MAVS: variants seen among roughly 807,000 people sequenced by gnomAD.
MAVS encodes mitochondrial antiviral-signaling protein.
MAVS carries 20 observed loss-of-function variants against 30.2 expected under a neutral mutation model. The ratio of observed to expected loss-of-function variants is 0.66; its 90% CI spans 0.47 to 0.96. The LOEUF (loss-of-function observed/expected upper bound fraction) is 0.96. Among genes scored for constraint, MAVS ranks in the 40% least tolerant of loss-of-function variants. The pLI, the probability that MAVS is intolerant of heterozygous loss-of-function variation, is 0.00. For missense variants in MAVS, 624 were observed against 701.1 expected, an observed-to-expected ratio of 0.89 and a Z score of 1.24; for synonymous variants, 278 against 293.9, an observed-to-expected ratio of 0.95 and a Z score of 0.55.
At chr20:3,853,354 CG>C (rs1568532557) in intron 1 of MAVS, among the ~76,000 whole-genome samples, 1 of 151,044 alleles carries the variant, frequency 6.6e-6, no homozygotes, top group African/African-American at 2.4e-5. Flanking sequence ...GGCGTGGTGG[CG>C]GGCGCCTGTC....
chr20:3,864,129 A>C, intron 5 of MAVS, 127 bp from the exon 6 acceptor site: 1 of 1,069,848 alleles, frequency 9.3e-7, no homozygotes, highest in Non-Finnish European at 1.4e-6. Context: ...CATCTCCTCC[A>C]AGGGCAGGAG....
In MAVS at chr20:3,857,782, G is replaced by T. The variant is rs1473208492; in HGVS notation, c.265G>T (p.Ala89Ser). The T allele has an allele frequency of 6.2e-7, 1 of 1,614,228 alleles. No individual in the cohort carries two copies. Among genetic ancestry groups the T allele is most frequent in the Non-Finnish European group, 8.5e-7 (1 of 1,180,034 alleles). ...CELVDLADEV[A>S]SVYQSYQPRT... Reference sequence around the variant, plus strand: ...GCTAGTTGATCTCGCGGACGAAGTGGCCTCTGTCTACCAGAGCTACCAGCC... The same window carrying T: ...GCTAGTTGATCTCGCGGACGAAGTGTCCTCTGTCTACCAGAGCTACCAGCC... Residue 89 changes from alanine (A) to serine (S), a missense_variant, in exon 3 of 7, where the codon GCC becomes TCC. Ala to Ser is a moderately conservative substitution (Grantham distance 99). Coordinates refer to ENST00000428216, the MANE Select transcript of MAVS (RefSeq NM_020746.5).
At position 3,869,508 on chromosome 20, in the gene MAVS, T is replaced by TA. The variant is rs2089937827; in HGVS notation, c.*3362dup. 1 of 152,176 alleles carries TA rather than the reference T, an allele frequency of 6.6e-6. No individual in the cohort carries two copies. The highest frequency in any genetic ancestry group is 1.5e-5 in the Non-Finnish European group (1 of 68,044). The allele number at this position is 152,176 out of a possible 1,614,324, so 9.4% of individuals were successfully genotyped here. ...TTTTATAGAGATGAGGTCATGCTGT[T>TA]ATGTTGCCCAGGTTGGCCTCATGAG... On this transcript the variant is annotated 3_prime_UTR_variant, in exon 7 of 7. Transcript: ENST00000428216.
At position 3,871,157 on chromosome 20, in the gene MAVS, A is replaced by G. The variant is rs1324829051; in HGVS notation, c.*5010A>G. ...TGGCCTCCCAAAATGCTGGGATTAC[A>G]GGTGTGAACCACGGTGCCTGGCCAC... is the stretch of plus-strand genomic sequence containing the variant. On this transcript the variant is annotated 3_prime_UTR_variant, in exon 7 of 7. Coordinates refer to ENST00000428216, the MANE Select transcript of MAVS (RefSeq NM_020746.5). 1 of 153,954 alleles carries G rather than the reference A, an allele frequency of 6.5e-6. No homozygotes were observed. Among genetic ancestry groups the G allele is most frequent in the African/African-American group, 2.4e-5 (1 of 41,476 alleles). The allele number at this position is 153,954 out of a possible 1,614,324, so 9.5% of individuals were successfully genotyped here.
rs1454817191 is a variant in MAVS, at chr20:3,868,188, C to T, written c.*2041C>T. The T allele has an allele frequency of 6.6e-6, 1 of 152,396 alleles. No individual in the cohort carries two copies. The highest frequency in any genetic ancestry group is 1.5e-5 in the Non-Finnish European group (1 of 68,076). 9.4% of individuals were successfully genotyped at this position (152,396 alleles called of 1,614,324 possible). On this transcript the variant is annotated 3_prime_UTR_variant, in exon 7 of 7. Coordinates refer to ENST00000428216, the MANE Select transcript of MAVS (RefSeq NM_020746.5). ...CTACCCGAGCTGTCTGTATTAATCC[C>T]CATCCCCCACCACCAATCTTAAAAA...
chr20:3,858,890 C>T (rs2089837098), intron 3 of MAVS, among the ~76,000 whole-genome samples: 1 of 151,572 alleles, frequency 6.6e-6, no homozygotes, highest in African/African-American at 2.4e-5. Flanking sequence ...GCCTTGACCT[C>T]CTGGACTCAA....
rs1258621140 is a variant in MAVS, at chr20:3,866,241, T to C, written c.*94T>C. On this transcript the variant is annotated 3_prime_UTR_variant, in exon 7 of 7. Transcript: ENST00000428216. ...CCCCTTGTCCCTTTCTTGGGGATTGTGGAGGCTGGGTCAGAGGGGAGTTAA... is the reference window on the plus strand; with the variant it reads ...CCCCTTGTCCCTTTCTTGGGGATTGCGGAGGCTGGGTCAGAGGGGAGTTAA... The C allele has an allele frequency of 1.6e-6, 2 of 1,257,096 alleles. No individual in the cohort carries two copies. Among genetic ancestry groups the C allele is most frequent in the Admixed American group, 2.8e-5 (1 of 35,874 alleles). 77.9% of individuals were successfully genotyped at this position (1,257,096 alleles called of 1,614,324 possible).
rs2089930188 is a variant in MAVS, at chr20:3,868,798, TTGAGC to T, written c.*2652_*2656del. ...AGGCTGAGGTGGGAAGATAAGTCAC[TTGAGC>T]CCGCCAGGAGGCGGAGGTTGTAGTG... On this transcript the variant is annotated 3_prime_UTR_variant, in exon 7 of 7. Transcript: ENST00000428216. The T allele has an allele frequency of 6.6e-6, 1 of 152,108 alleles. No homozygotes were observed. The highest frequency in any genetic ancestry group is 2.4e-5 in the African/African-American group (1 of 41,408). The allele number at this position is 152,108 out of a possible 1,614,324, so 9.4% of individuals were successfully genotyped here. A position where few individuals can be genotyped will look rare whatever the true frequency, so the allele number is the denominator to read the frequency against.
At chr20:3,856,982 G>C (rs565776523) in intron 2 of MAVS, among the ~76,000 whole-genome samples, 1 of 150,258 alleles carries the variant, frequency 6.7e-6, no homozygotes, top group Non-Finnish European at 1.5e-5. Context: ...GTTGCAGTAA[G>C]CTGATATCAC....
intron 1 of MAVS, among the ~76,000 whole-genome samples, chr20:3,853,361 C>T (rs922479713): frequency 1.3e-5 from 2 of 151,274 alleles, no homozygotes; most frequent in Non-Finnish European, 2.9e-5. Flanking sequence ...TGGCGGGCGC[C>T]TGTCGTCCCA....
chr20:3,859,903 G>T (rs980390973), intron 3 of MAVS, among the ~76,000 whole-genome samples: 1 of 151,456 alleles, frequency 6.6e-6, no homozygotes, highest in Non-Finnish European at 1.5e-5. Flanking sequence ...TGCAAGCTCC[G>T]CCTCCCGGGT....
intron 1 of MAVS, among the ~76,000 whole-genome samples, chr20:3,849,036 G>C (rs1310566303): frequency 1.3e-5 from 2 of 152,048 alleles, no homozygotes; most frequent in East Asian, 3.9e-4. Context: ...ACAACCACCA[G>C]AGAAGTCTTT....
Position 3,866,391 on chromosome 20 carries a change from G to A in MAVS, c.*244G>A. 1 of 538,820 alleles carries A rather than the reference G, an allele frequency of 1.9e-6. No homozygotes were observed. The allele number at this position is 538,820 out of a possible 1,614,324, so 33.4% of individuals were successfully genotyped here. A position where few individuals can be genotyped will look rare whatever the true frequency, so the allele number is the denominator to read the frequency against. On this transcript the variant is annotated 3_prime_UTR_variant, in exon 7 of 7. Transcript: ENST00000428216. ...CTTTCTGGGTCCTGGGCTGCCCCCA[G>A]TGCTCCAGACCTTCCCCACTGGCAA...
At chr20:3,856,813 C>A (rs1157704383) in intron 2 of MAVS, among the ~76,000 whole-genome samples, 1 of 151,930 alleles carries the variant, frequency 6.6e-6, no homozygotes, top group Non-Finnish European at 1.5e-5. Context: ...GCGGGTGGAT[C>A]ACCTGAGGTC....
chr20:3,862,276 C>G lies in MAVS; in HGVS notation c.488C>G (p.Thr163Arg), dbSNP rs141567699. ...CAGAATTCAGAGCAAGCCCTGCAGA[C>G]GCTCAGCCCCAGAGCCATCCCAAGG... ...PGENSEQALQTLSPRAIPRNP... is the reference protein window; with the variant it reads ...PGENSEQALQRLSPRAIPRNP... The change falls in exon 5 of 7, where the codon ACG (threonine) becomes AGG (arginine). Residue 163 changes from threonine (T) to arginine (R), a missense_variant. Physicochemically the swap from Thr to Arg is moderately conservative, Grantham distance 71. Coordinates refer to ENST00000428216, the MANE Select transcript of MAVS (RefSeq NM_020746.5). 12 of 1,613,812 alleles carry G rather than the reference C, an allele frequency of 7.4e-6. No individual in the cohort carries two copies. The highest frequency in any genetic ancestry group is 1.7e-4 in the Middle Eastern group (1 of 6,058).
chr20:3,861,000 C>CT (rs1409175800), intron 3 of MAVS, among the ~76,000 whole-genome samples: 38 of 118,710 alleles, frequency 3.2e-4, no homozygotes, highest in African/African-American at 3.9e-4. Flanking sequence ...TTTTTTCTTT[C>CT]TTTTTTTTTT....
At chr20:3,848,328 A>AC (rs1456581028) in intron 1 of MAVS, among the ~76,000 whole-genome samples, 79 of 152,192 alleles carry the variant, frequency 5.2e-4, no homozygotes, top group South Asian at 8.3e-4. Context: ...CAAACTCCTG[A>AC]CCTCAAGTGA....
rs970787575 is a variant in MAVS, at chr20:3,871,204, T to G, written c.*5057T>G. On this transcript the variant is annotated 3_prime_UTR_variant, in exon 7 of 7. Transcript: ENST00000428216. ...CCACTGTACAGGTTATTTATAGAAG[T>G]TGGAGAGTGAAGGGTTGAGAAAGCC... is the stretch of plus-strand genomic sequence containing the variant. The G allele has an allele frequency of 2.0e-5, 3 of 153,684 alleles. No individual in the cohort carries two copies. The highest frequency in any genetic ancestry group is 7.3e-5 in the African/African-American group (3 of 41,360). 9.5% of individuals were successfully genotyped at this position (153,684 alleles called of 1,614,324 possible). A position where few individuals can be genotyped will look rare whatever the true frequency, so the allele number is the denominator to read the frequency against.
rs533923573 is a variant in MAVS at position 3,866,439 on chromosome 20, C to G, written c.*292C>G. Reference sequence around the variant, plus strand: ...CAATCCAGGTTATCATCCATGTCCTCCAGAGGAGCTTCCTCCTCCAGGCCT... The same window carrying G: ...CAATCCAGGTTATCATCCATGTCCTGCAGAGGAGCTTCCTCCTCCAGGCCT... On this transcript the variant is annotated 3_prime_UTR_variant, in exon 7 of 7. Coordinates refer to ENST00000428216, the MANE Select transcript of MAVS (RefSeq NM_020746.5). The G allele has an allele frequency of 4.2e-6, 2 of 472,196 alleles. No homozygotes were observed. Among genetic ancestry groups the G allele is most frequent in the South Asian group, 6.0e-5 (2 of 33,274 alleles). The allele number at this position is 472,196 out of a possible 1,614,324, so 29.3% of individuals were successfully genotyped here. A position where few individuals can be genotyped will look rare whatever the true frequency, so the allele number is the denominator to read the frequency against.
Sources: allele counts gnomAD v4.1 joint callset (sites outside exome capture counted in the v4.1 genomes callset), GRCh38; gene constraint gnomAD v4.1.1; transcripts MANE v1.5; gene names NCBI Gene and HGNC (gene_info 2026-07-23, HGNC 2026-07-21).